The following MYOF variants were observed in gnomAD, a reference collection of about 807,000 sequenced individuals.
MYOF encodes the protein fer-1-like 3, myoferlin.
In MYOF, 244 loss-of-function variants were observed where a neutral mutation model predicts 284.2. The ratio of observed to expected loss-of-function variants is 0.86; its 90% CI spans 0.77 to 0.95. The LOEUF (loss-of-function observed/expected upper bound fraction) is 0.95, where lower values mean the gene tolerates loss of function less well. Ranked by LOEUF, MYOF falls within the 40% of genes least tolerant of loss-of-function variation. MYOF has a pLI of 0.00. For synonymous variants in MYOF, 904 were observed against 919.7 expected (o/e 0.98, Z 0.31); for missense variants, 2,496 against 2,560.6 (o/e 0.97, Z 0.54).
At chr10:93,379,620 A>T (rs1464647793) in intron 21 of MYOF, among the ~76,000 whole-genome samples, 1 of 152,120 alleles carries the variant, frequency 6.6e-6, no homozygotes, top group African/African-American at 2.4e-5. Flanking sequence ...TGCCTCTACC[A>T]TGCAGACAAT....
intron 53 of MYOF, among the ~76,000 whole-genome samples, chr10:93,307,609 G>A (rs1842175406): frequency 6.7e-6 from 1 of 149,948 alleles, no homozygotes; most frequent in African/African-American, 2.5e-5. Context: ...AGTAACCACT[G>A]GTTTAAACCA....
At chr10:93,371,167 GAATAA>G (rs762765870) in intron 24 of MYOF, among the ~76,000 whole-genome samples, 2 of 152,120 alleles carry the variant, frequency 1.3e-5, no homozygotes, top group Non-Finnish European at 2.9e-5. Context: ...AATCATGCAT[GAATAA>G]AAGAGTCATT....
intron 5 of MYOF, among the ~76,000 whole-genome samples, chr10:93,419,885 A>G (rs760791600): frequency 6.6e-6 from 1 of 152,170 alleles, no homozygotes; most frequent in Non-Finnish European, 1.5e-5. Context: ...TAATCCCAGC[A>G]CTTTGGGAGG....
chr10:93,454,645 C>G (rs1373078733), intron 2 of MYOF, among the ~76,000 whole-genome samples: 1 of 152,074 alleles, frequency 6.6e-6, no homozygotes, highest in Non-Finnish European at 1.5e-5. Context: ...AAGTGGAATT[C>G]CCTCTCAACC....
chr10:93,333,709 GACT>G (rs1415606245), intron 42 of MYOF, 46 bp downstream of exon 42: 1 of 1,595,316 alleles, frequency 6.3e-7, no homozygotes, highest in Non-Finnish European at 8.6e-7. Flanking sequence ...TGTGGCTGAT[GACT>G]GTAATTATCT....
chr10:93,442,825 G>A (rs1401869348), intron 3 of MYOF, among the ~76,000 whole-genome samples: 1 of 152,112 alleles, frequency 6.6e-6, no homozygotes, highest in African/African-American at 2.4e-5. Flanking sequence ...CTACTAGCAT[G>A]CTCAAGCAAT....
chr10:93,467,555 A>T (rs2057039942), intron 1 of MYOF, among the ~76,000 whole-genome samples: 1 of 152,132 alleles, frequency 6.6e-6, no homozygotes, highest in African/African-American at 2.4e-5. Flanking sequence ...CCATTGTGGA[A>T]GTCAGTATGG....
chr10:93,373,153 AC>A (rs1192869575), intron 23 of MYOF, 68 bp from the exon 24 acceptor site: 3 of 1,574,072 alleles, frequency 1.9e-6, no homozygotes, highest in Non-Finnish European at 2.6e-6. Context: ...GGGACCGAAG[AC>A]CCTGCAGGCT....
intron 50 of MYOF, among the ~76,000 whole-genome samples, chr10:93,316,226 TG>T (rs911403239): frequency 6.6e-6 from 1 of 150,430 alleles, no homozygotes; most frequent in African/African-American, 2.5e-5. Context: ...CACAGTGCCA[TG>T]GGGGGCGAGG....
intron 40 of MYOF, chr10:93,337,597 GC>G (rs1843674276): frequency 2.1e-6 from 1 of 481,856 alleles, no homozygotes; most frequent in Non-Finnish European, 3.6e-6. Context: ...CCCCAATGTG[GC>G]AGTCACGTAA....
intron 35 of MYOF, 22 bp downstream of exon 35, chr10:93,351,175 T>C (rs2133886992): frequency 1.9e-6 from 3 of 1,607,674 alleles, no homozygotes; most frequent in Non-Finnish European, 2.6e-6. Flanking sequence ...ATTTGATGAG[T>C]AACACGTGGG....
In MYOF at chr10:93,408,779, C is replaced by A; in HGVS notation, c.729+8G>T. 1 of 1,614,074 alleles carries A rather than the reference C, an allele frequency of 6.2e-7. No homozygotes were observed. Among genetic ancestry groups the A allele is most frequent in the South Asian group, 1.1e-5 (1 of 91,066 alleles). ...ATGAGCAGAAACATGCCCTCTCAACCCCTTTACCTCATCAAAAAAAGGGTT... is the reference window on the plus strand; with the variant it reads ...ATGAGCAGAAACATGCCCTCTCAACACCTTTACCTCATCAAAAAAAGGGTT... On this transcript the variant is annotated splice_region_variant and intron_variant, in intron 7 of 53. Coordinates refer to ENST00000359263, the MANE Select transcript of MYOF (RefSeq NM_013451.4).
chr10:93,393,011 G>A, intron 16 of MYOF, 56 bp from the exon 17 acceptor site: 2 of 1,484,794 alleles, frequency 1.3e-6, no homozygotes, highest in South Asian at 1.2e-5. Context: ...TTATAAAACA[G>A]ACATTGAAAA....
At chr10:93,327,757 TTTTG>T (rs762399786) in intron 45 of MYOF, among the ~76,000 whole-genome samples, 2 of 152,032 alleles carry the variant, frequency 1.3e-5, no homozygotes, top group Non-Finnish European at 2.9e-5. Flanking sequence ...ACATAAGTTT[TTTTG>T]TTTGTTTGTT....
intron 3 of MYOF, among the ~76,000 whole-genome samples, chr10:93,450,264 CGCCTGTAGTCCCA>C (rs2056553533): frequency 6.6e-6 from 1 of 152,166 alleles, no homozygotes; most frequent in Non-Finnish European, 1.5e-5. Flanking sequence ...TGGTGGCACA[CGCCTGTAGTCCCA>C]GCTACTCAGG....
intron 19 of MYOF, among the ~76,000 whole-genome samples, chr10:93,383,923 G>A (rs982893621): frequency 1.3e-5 from 2 of 152,150 alleles, no homozygotes; most frequent in Non-Finnish European, 2.9e-5. Context: ...ACATAGCCAG[G>A]ATTCCATTAG....
At chr10:93,462,739 A>G (rs1465422559) in intron 1 of MYOF, among the ~76,000 whole-genome samples, 3 of 130,126 alleles carry the variant, frequency 2.3e-5, no homozygotes, top group Admixed American at 2.3e-4. Context: ...CACATCAGGC[A>G]AAAAAAAAAA....
At chr10:93,363,737 A>G (rs542422066) in intron 27 of MYOF, among the ~76,000 whole-genome samples, 4 of 152,362 alleles carry the variant, frequency 2.6e-5, no homozygotes, top group Admixed American at 2.0e-4. Context: ...TGCACAATCC[A>G]AACTATACCA....
chr10:93,420,151 G>A (rs369883343), intron 5 of MYOF, among the ~76,000 whole-genome samples: 38 of 152,148 alleles, frequency 2.5e-4, no homozygotes, highest in African/African-American at 8.7e-4. Flanking sequence ...TTTGGGATTC[G>A]TGGAATGAAA....
Sources: allele counts gnomAD v4.1 joint callset (sites outside exome capture counted in the v4.1 genomes callset), GRCh38; gene constraint gnomAD v4.1.1; transcripts MANE v1.5; gene names NCBI Gene and HGNC (gene_info 2026-07-23, HGNC 2026-07-21).